Variants in GSN observed in about 807,000 individuals in gnomAD.
GSN encodes the protein gelsolin, also known as actin-depolymerizing factor.
Under a neutral mutation model 85.7 loss-of-function variants are expected in GSN, and 56 were observed. That is an observed-to-expected ratio of 0.65 (90% CI 0.53 to 0.82). The LOEUF (loss-of-function observed/expected upper bound fraction) is 0.82, where lower values mean the gene tolerates loss of function less well. GSN is among the 40% of genes least tolerant of loss of function. GSN has a pLI of 0.00. For missense variants in GSN, 857 were observed against 979.8 expected (o/e 0.87, Z 1.67); for synonymous variants, 373 against 399.1 (o/e 0.93, Z 0.78).
upstream of GSN, among the ~76,000 whole-genome samples, chr9:121,206,541 C>T (rs1179918409): frequency 6.6e-6 from 1 of 152,124 alleles, no homozygotes; most frequent in Non-Finnish European, 1.5e-5. Flanking sequence ...ATACCACCCC[C>T]TCCCAAAAAA....
Position 121,328,980 on chromosome 9 carries a change from C to T in GSN, c.1852C>T (p.Leu618Phe), listed in dbSNP as rs763381957. Residue 618 changes from leucine to phenylalanine, a missense_variant, in exon 15 of 18, where the codon CTC becomes TTC. Leu to Phe is a conservative substitution (Grantham distance 22). Coordinates refer to ENST00000432226, the MANE Select transcript of GSN (RefSeq NM_198252.3). ...DKKMDAHPPR[L>F]FACSNKIGRF... ...GAAGATGGATGCCCATCCTCCTCGC[C>T]TCTTTGCCTGCTCCAACAAGATTGG... 4 of 1,613,932 alleles carry T rather than the reference C, an allele frequency of 2.5e-6. No homozygotes were observed. The highest frequency in any genetic ancestry group is 1.7e-6 in the Non-Finnish European group (2 of 1,180,056).
chr9:121,219,334 G>A (rs1272120786), intron 4 of GSN, among the ~76,000 whole-genome samples: 4 of 151,084 alleles, frequency 2.6e-5, no homozygotes, highest in Non-Finnish European at 4.4e-5. Flanking sequence ...CTAGGCTCAA[G>A]TGATCCTCCT....
intron 2 of GSN, among the ~76,000 whole-genome samples, chr9:121,287,309 CT>C (rs1055614949): frequency 1.3e-5 from 2 of 152,268 alleles, no homozygotes; most frequent in African/African-American, 4.8e-5. Flanking sequence ...AATTCTAGCC[CT>C]GGCTCTCCCA....
At chr9:121,208,802 C>A (rs1241797651) in intron 1 of GSN, among the ~76,000 whole-genome samples, 1 of 152,276 alleles carries the variant, frequency 6.6e-6, no homozygotes, top group Middle Eastern at 3.4e-3. Context: ...GAGAAACAAC[C>A]AGCTATTTTT....
At chr9:121,319,878 G>A (rs1041565225) in intron 10 of GSN, among the ~76,000 whole-genome samples, 1 of 152,152 alleles carries the variant, frequency 6.6e-6, no homozygotes, top group Non-Finnish European at 1.5e-5. Flanking sequence ...AGGTGTTTAG[G>A]AGGTAGAATC....
intron 5 of GSN, chr9:121,238,790 C>G (rs977132301): frequency 4.6e-5 from 24 of 519,840 alleles, no homozygotes; most frequent in African/African-American, 4.5e-4. Flanking sequence ...CAAACTTCTG[C>G]AGAAATTCCA....
intron 5 of GSN, among the ~76,000 whole-genome samples, chr9:121,237,069 C>T (rs958645552): frequency 6.6e-6 from 1 of 152,198 alleles, no homozygotes; most frequent in Non-Finnish European, 1.5e-5. Flanking sequence ...CATGGAAACT[C>T]AGTAAAGGTC....
intron 2 of GSN, chr9:121,285,496 A>G (rs116790805): frequency 0.035 from 5,938 of 167,862 alleles, 305 homozygotes; most frequent in Admixed American, 0.13. Context: ...CTGGTACAGC[A>G]TGGCCAGGTG....
intron 2 of GSN, among the ~76,000 whole-genome samples, chr9:121,293,204 T>C (rs2058859312): frequency 6.6e-6 from 1 of 152,190 alleles, no homozygotes; most frequent in South Asian, 2.1e-4. Context: ...ATCTGATCCC[T>C]AGGCAGGCAG....
chr9:121,299,568 G>C lies in GSN; in HGVS notation c.-9-2395G>C. The C allele has an allele frequency of 1.4e-6, 1 of 709,446 alleles. No homozygotes were observed. Among genetic ancestry groups the C allele is most frequent in the Non-Finnish European group, 1.7e-6 (1 of 577,856 alleles). 43.9% of individuals were successfully genotyped at this position (709,446 alleles called of 1,614,324 possible). ...GCTCGCGTGCGTCGCAGGAGGCTCA[G>C]CTGGGCTCGCCGCCGCTCGTGCCTG... On this transcript the variant is annotated intron_variant, in intron 2 of 17. Transcript: ENST00000432226. The surrounding 1 kb of genome is among the most constrained non-coding windows in gnomAD (Gnocchi z 4.2).
intron 5 of GSN, among the ~76,000 whole-genome samples, chr9:121,232,637 A>T (rs1450733724): frequency 1.3e-5 from 2 of 152,234 alleles, no homozygotes; most frequent in Non-Finnish European, 1.5e-5. Flanking sequence ...TCGACTATAG[A>T]TGTAATATTG....
chr9:121,266,502 C>T (rs1383364285), upstream of GSN, among the ~76,000 whole-genome samples: 1 of 152,186 alleles, frequency 6.6e-6, no homozygotes, highest in Non-Finnish European at 1.5e-5. Context: ...TGTGAGCCTC[C>T]CTGCGGGGTG....
chr9:121,206,067 G>T (rs1036206306), upstream of GSN, among the ~76,000 whole-genome samples: 4 of 151,512 alleles, frequency 2.6e-5, no homozygotes, highest in Non-Finnish European at 5.9e-5. Context: ...TAAAATACTG[G>T]TGTCCCAATT....
At chr9:121,216,390 C>T (rs1281074376) in intron 4 of GSN, among the ~76,000 whole-genome samples, 8 of 152,218 alleles carry the variant, frequency 5.3e-5, no homozygotes, top group Admixed American at 5.2e-4. Context: ...CTGCCAACAA[C>T]TACCTCCAGC....
chr9:121,250,205 T>C (rs1588480204), intron 6 of GSN, among the ~76,000 whole-genome samples: 1 of 141,202 alleles, frequency 7.1e-6, no homozygotes, highest in African/African-American at 3.0e-5. Context: ...TCCTTCTCTT[T>C]TTTTTTTTTT....
chr9:121,214,701 A>G (rs1006186640), intron 4 of GSN, among the ~76,000 whole-genome samples: 1 of 152,140 alleles, frequency 6.6e-6, no homozygotes, highest in Non-Finnish European at 1.5e-5. Context: ...GCTCTTGTCC[A>G]AGGTCTCACG....
chr9:121,286,386 C>G (rs2058077283), intron 2 of GSN, among the ~76,000 whole-genome samples: 1 of 152,264 alleles, frequency 6.6e-6, no homozygotes, highest in Admixed American at 6.5e-5. Flanking sequence ...CCGTAGCAGT[C>G]AGACCCCTTC....
At chr9:121,242,894 C>T (rs1157202434) in intron 5 of GSN, among the ~76,000 whole-genome samples, 2 of 152,138 alleles carry the variant, frequency 1.3e-5, no homozygotes, top group Non-Finnish European at 2.9e-5. Flanking sequence ...CTGCCTGCTC[C>T]TGGGCTTCTG....
At chr9:121,311,035 C>A in intron 5 of GSN, 190 bp downstream of exon 5, 4 of 615,416 alleles carry the variant, frequency 6.5e-6, no homozygotes, top group South Asian at 3.8e-5. Context: ...GGGTATAGTG[C>A]GTACTTGGAC....
Sources: allele counts gnomAD v4.1 joint callset (sites outside exome capture counted in the v4.1 genomes callset), GRCh38; gene constraint gnomAD v4.1.1; non-coding constraint Gnocchi (gnomAD v3.1); transcripts MANE v1.5; gene names NCBI Gene and HGNC (gene_info 2026-07-23, HGNC 2026-07-21).